NSMCE1: variants seen among roughly 807,000 people sequenced by gnomAD.
The protein encoded by NSMCE1 is NSE1 component of SMC5/6 complex.
NSMCE1 carries 18 observed loss-of-function variants against 29.6 expected under a neutral mutation model. The observed-to-expected ratio is 0.61, with a 90% CI of 0.42 to 0.90. NSMCE1 has a LOEUF of 0.90. NSMCE1 is among the 40% of genes least tolerant of loss of function. NSMCE1 has a pLI of 0.00. For missense variants in NSMCE1, 314 were observed against 343.6 expected, an observed-to-expected ratio of 0.91 and a Z score of 0.68; for synonymous variants, 124 against 133.4, an observed-to-expected ratio of 0.93 and a Z score of 0.49.
Position 27,235,258 on chromosome 16 carries a change from T to C in NSMCE1, c.178A>G (p.Ile60Val), listed in dbSNP as rs1242302596. The C allele has an allele frequency of 6.2e-7, 1 of 1,613,612 alleles. No individual in the cohort carries two copies. Among genetic ancestry groups the C allele is most frequent in the Non-Finnish European group, 8.5e-7 (1 of 1,179,644 alleles). ...VDKLEDFINN[I>V]NSVLESLYIE... ...TACAAGGACTCCAAGACACTGTTAATGTTGTTGATGAAGTCCTCCAACTTA... is the reference window on the plus strand; with the variant it reads ...TACAAGGACTCCAAGACACTGTTAACGTTGTTGATGAAGTCCTCCAACTTA... Residue 60 changes from isoleucine to valine, a missense_variant, in exon 3 of 8, where the codon ATT (isoleucine) becomes GTT (valine). By Grantham distance (29) the Ile-to-Val change is conservative (BLOSUM62 3). Coordinates refer to ENST00000361439, the MANE Select transcript of NSMCE1 (RefSeq NM_145080.4).
chr16:27,229,034 C>G (rs2083735975), intron 5 of NSMCE1, among the ~76,000 whole-genome samples: 1 of 152,190 alleles, frequency 6.6e-6, no homozygotes, highest in Non-Finnish European at 1.5e-5. Flanking sequence ...CCCAACTCAC[C>G]CCCACCCCAG....
chr16:27,268,098 G>C (rs939619740), intron 1 of NSMCE1: 1 of 152,144 alleles, frequency 6.6e-6, no homozygotes, highest in African/African-American at 2.4e-5. Flanking sequence ...TCGTGTATTT[G>C]ATTACAAGCC....
At chr16:27,231,399 G>T (rs1191220345) in intron 5 of NSMCE1, among the ~76,000 whole-genome samples, 1 of 152,212 alleles carries the variant, frequency 6.6e-6, no homozygotes, top group Non-Finnish European at 1.5e-5. Flanking sequence ...CACTTTGGGA[G>T]GCTGAGGCAG....
intron 1 of NSMCE1, among the ~76,000 whole-genome samples, chr16:27,262,340 C>T (rs2084168192): frequency 6.6e-6 from 1 of 152,006 alleles, no homozygotes; most frequent in South Asian, 2.1e-4. Context: ...ATCACGTTAC[C>T]CGACTTCAAA....
intron 4 of NSMCE1, 43 bp downstream of exon 4, chr16:27,234,145 A>T: frequency 1.5e-6 from 2 of 1,336,968 alleles, no homozygotes; most frequent in Non-Finnish European, 2.2e-6. Flanking sequence ...GAACTTTCCC[A>T]TAAGAAGCCC....
At chr16:27,228,633 C>G (rs2083729564) in intron 5 of NSMCE1, among the ~76,000 whole-genome samples, 1 of 134,286 alleles carries the variant, frequency 7.4e-6, no homozygotes, top group South Asian at 2.6e-4. Context: ...CATCATGGTA[C>G]CCCACCTCTC....
intron 1 of NSMCE1, among the ~76,000 whole-genome samples, chr16:27,258,735 T>C (rs932303036): frequency 6.6e-6 from 1 of 152,042 alleles, no homozygotes; most frequent in Non-Finnish European, 1.5e-5. Context: ...TGCTAATTAC[T>C]GCTCTTTTGT....
At chr16:27,230,701 C>T (rs536699878) in intron 5 of NSMCE1, 2 of 152,434 alleles carry the variant, frequency 1.3e-5, no homozygotes, top group Admixed American at 1.3e-4. Flanking sequence ...AACAAGAAGC[C>T]TCTCTAGGGC....
At chr16:27,265,312 G>A (rs1051271226) in intron 1 of NSMCE1, among the ~76,000 whole-genome samples, 2 of 151,568 alleles carry the variant, frequency 1.3e-5, no homozygotes, top group African/African-American at 4.9e-5. Flanking sequence ...ATGACTACAG[G>A]CACACACCAC....
chr16:27,246,650 C>G (rs1486857919), intron 2 of NSMCE1, among the ~76,000 whole-genome samples: 2 of 152,168 alleles, frequency 1.3e-5, no homozygotes, highest in South Asian at 2.1e-4. Context: ...CCACCAGGCC[C>G]GACTAATTTT....
At chr16:27,235,329 G>C (rs1339501612) in intron 2 of NSMCE1, 30 bp from the exon 3 acceptor site, 1 of 1,607,708 alleles carries the variant, frequency 6.2e-7, no homozygotes, top group East Asian at 2.2e-5. Flanking sequence ...AAAAAGGGGG[G>C]TGACCAGGGG....
chr16:27,243,819 T>G (rs776978172), intron 2 of NSMCE1, among the ~76,000 whole-genome samples: 11 of 152,164 alleles, frequency 7.2e-5, no homozygotes, highest in Non-Finnish European at 1.3e-4. Flanking sequence ...CTCAGCTAAC[T>G]TTGTTTCTTC....
At chr16:27,265,587 A>G (rs989695423) in intron 1 of NSMCE1, among the ~76,000 whole-genome samples, 1 of 152,312 alleles carries the variant, frequency 6.6e-6, no homozygotes, top group African/African-American at 2.4e-5. Flanking sequence ...GCCCTAGGAG[A>G]TATGTTTTTA....
intron 2 of NSMCE1, among the ~76,000 whole-genome samples, chr16:27,236,326 T>G (rs1567275115): frequency 6.9e-6 from 1 of 144,110 alleles, no homozygotes. Context: ...TGAGACAGAG[T>G]CTTGCTCTCG....
At chr16:27,234,077 C>T (rs1468828907) in intron 4 of NSMCE1, 111 bp downstream of exon 4, 3 of 738,580 alleles carry the variant, frequency 4.1e-6, no homozygotes, top group Non-Finnish European at 2.4e-6. Flanking sequence ...GCAATGGTGG[C>T]CCATGTCCCC....
chr16:27,251,162 AT>A (rs1567281117), intron 2 of NSMCE1, among the ~76,000 whole-genome samples: 11 of 51,406 alleles, frequency 2.1e-4, no homozygotes, highest in East Asian at 1.0e-3. Flanking sequence ...TATTTAAAAT[AT>A]ATATATATAT....
At chr16:27,262,538 C>T (rs1271575386) in intron 1 of NSMCE1, among the ~76,000 whole-genome samples, 2 of 152,052 alleles carry the variant, frequency 1.3e-5, no homozygotes, top group Non-Finnish European at 2.9e-5. Context: ...AGTGGCTAGC[C>T]ATATGTGAAG....
intron 1 of NSMCE1, among the ~76,000 whole-genome samples, chr16:27,260,621 T>C (rs977687483): frequency 1.9e-4 from 29 of 151,868 alleles, no homozygotes; most frequent in African/African-American, 6.8e-4. Context: ...ATTATAAGAG[T>C]TCCTTATAGG....
chr16:27,251,789 A>C (rs921029196), intron 2 of NSMCE1, among the ~76,000 whole-genome samples: 3 of 152,208 alleles, frequency 2.0e-5, no homozygotes, highest in Non-Finnish European at 4.4e-5. Context: ...CCTGGCCTTA[A>C]GAAGTTTTCT....
Sources: allele counts gnomAD v4.1 joint callset (sites outside exome capture counted in the v4.1 genomes callset), GRCh38; gene constraint gnomAD v4.1.1; transcripts MANE v1.5; gene names NCBI Gene and HGNC (gene_info 2026-07-23, HGNC 2026-07-21).